Variants in TOB2 observed in about 807,000 individuals in gnomAD.
TOB2 encodes the protein transducer of ERBB2, 2.
A neutral mutation model predicts 17.3 loss-of-function variants in TOB2; 3 were observed. The observed-to-expected ratio is 0.17, with a 90% CI of 0.08 to 0.45. The LOEUF (loss-of-function observed/expected upper bound fraction) is 0.45. Ranked by LOEUF, TOB2 falls within the 20% of genes least tolerant of loss-of-function variation. TOB2 has a pLI of 0.99. For synonymous variants in TOB2, 163 were observed against 185.6 expected, an observed-to-expected ratio of 0.88 and a Z score of 0.99; for missense variants, 407 against 445.7, an observed-to-expected ratio of 0.91 and a Z score of 0.78.
chr22:41,438,676 G>C (rs1365164347), intron 1 of TOB2, among the ~76,000 whole-genome samples: 1 of 65,062 alleles, frequency 1.5e-5, no homozygotes, highest in Non-Finnish European at 3.3e-5. Flanking sequence ...TAAGACATAA[G>C]ACAAGAGCAT....
intron 1 of TOB2, among the ~76,000 whole-genome samples, chr22:41,445,398 C>T (rs1025508713): frequency 5.9e-5 from 9 of 152,124 alleles, no homozygotes; most frequent in African/African-American, 2.2e-4. Context: ...GGTAGAAGCC[C>T]AAGAAAGCAA....
intron 1 of TOB2, among the ~76,000 whole-genome samples, chr22:41,445,162 G>C (rs888315692): frequency 6.6e-6 from 1 of 152,234 alleles, no homozygotes; most frequent in Non-Finnish European, 1.5e-5. Context: ...ACCAGATCCG[G>C]GAGAGGGAAA....
chr22:41,442,092 C>T (rs1426486470), intron 1 of TOB2, among the ~76,000 whole-genome samples: 2 of 115,690 alleles, frequency 1.7e-5, no homozygotes, highest in Non-Finnish European at 3.9e-5. Context: ...GAAATTCTGC[C>T]TCAAAAAAAA....
At position 41,436,021 on chromosome 22, in the gene TOB2, T is replaced by C. The variant is rs879214801; in HGVS notation, c.*290A>G. ...AGCACAGGAAGCCACTCATTAAAGA[T>C]GTTATATAGAAAACTACATGTAAGA... On this transcript the variant is annotated 3_prime_UTR_variant, in exon 2 of 2. Coordinates refer to ENST00000327492, the MANE Select transcript of TOB2 (RefSeq NM_016272.4). The surrounding 1 kb of genome is among the most constrained non-coding windows in gnomAD (Gnocchi z 4.8). 14 of 280,736 alleles carry C rather than the reference T, an allele frequency of 5.0e-5. No individual in the cohort carries two copies. In the South Asian group the frequency reaches 1.0e-3, roughly 20 times the overall value. 17.4% of individuals were successfully genotyped at this position (280,736 alleles called of 1,614,324 possible). A position where few individuals can be genotyped will look rare whatever the true frequency, so the allele number is the denominator to read the frequency against.
chr22:41,436,882 G>C lies in TOB2; in HGVS notation c.464C>G (p.Ser155Trp), dbSNP rs1205643291. 1 of 1,614,216 alleles carries C rather than the reference G, an allele frequency of 6.2e-7. No individual in the cohort carries two copies. The highest frequency in any genetic ancestry group is 1.7e-5 in the Admixed American group (1 of 60,030). The change falls in exon 2 of 2, where the codon TCG becomes TGG. Residue 155 changes from serine to tryptophan, a missense_variant. Coordinates refer to ENST00000327492, the MANE Select transcript of TOB2 (RefSeq NM_016272.4). This position sits in a 1 kb window ranked among gnomAD's most constrained non-coding sequence, Gnocchi z 4.8. ...SQDSSLSNSPSPSFGQSPSPT... is the reference protein window; with the variant it reads ...SQDSSLSNSPWPSFGQSPSPT... ...GCTGGGTGACTGGCCAAAGGATGGC[G>C]ATGGGGAGTTGGACAGGGAGCTGTC...
At chr22:41,441,531 C>A (rs1361680660) in intron 1 of TOB2, among the ~76,000 whole-genome samples, 1 of 152,060 alleles carries the variant, frequency 6.6e-6, no homozygotes, top group Non-Finnish European at 1.5e-5. Context: ...GTAATCCCAG[C>A]ACTTCGGGAG....
At chr22:41,446,323 C>G (rs955324671) in intron 1 of TOB2, 56 bp downstream of exon 1, 1 of 152,544 alleles carries the variant, frequency 6.6e-6, no homozygotes, top group Non-Finnish European at 1.5e-5. Context: ...AGAGGTAGTC[C>G]GGCCGGCTGG....
At chr22:41,441,030 A>G (rs1343404265) in intron 1 of TOB2, among the ~76,000 whole-genome samples, 1 of 152,142 alleles carries the variant, frequency 6.6e-6, no homozygotes, top group Non-Finnish European at 1.5e-5. Flanking sequence ...AAGTAAGGAT[A>G]GTAGAGGCCG....
intron 1 of TOB2, among the ~76,000 whole-genome samples, chr22:41,441,036 GGCCGGGCACGGTGACTCAC>G (rs1400510592): frequency 1.3e-5 from 2 of 152,130 alleles, no homozygotes; most frequent in Admixed American, 6.5e-5. Flanking sequence ...GGATAGTAGA[GGCCGGGCACGGTGACTCAC>G]GCCTGTAATC....
chr22:41,441,748 C>T (rs2037623109), intron 1 of TOB2, among the ~76,000 whole-genome samples: 1 of 151,830 alleles, frequency 6.6e-6, no homozygotes, highest in Non-Finnish European at 1.5e-5. Context: ...CCCGTCTCTA[C>T]TAAAAATAAA....
At chr22:41,437,948 CAAAAAAA>C (rs35151486) in intron 1 of TOB2, among the ~76,000 whole-genome samples, 3 of 44,478 alleles carry the variant, frequency 6.7e-5, no homozygotes, top group Non-Finnish European at 1.1e-4. Flanking sequence ...GACTCCATCT[CAAAAAAA>C]AAAAAAAAAA....
In TOB2 at chr22:41,435,234, C is replaced by G. The variant is rs1282660984; in HGVS notation, c.*1077G>C. On this transcript the variant is annotated 3_prime_UTR_variant, in exon 2 of 2. Transcript: ENST00000327492. ...TTATTATTATTTTTTTGGTCAAAAACAAAACTGCAGATCCTTCCACAGTCT... is the reference window on the plus strand; with the variant it reads ...TTATTATTATTTTTTTGGTCAAAAAGAAAACTGCAGATCCTTCCACAGTCT... The G allele has an allele frequency of 3.3e-5, 5 of 152,202 alleles. No homozygotes were observed. The highest frequency in any genetic ancestry group is 9.7e-5 in the African/African-American group (4 of 41,428). The allele number at this position is 152,202 out of a possible 1,614,324, so 9.4% of individuals were successfully genotyped here. A position where few individuals can be genotyped will look rare whatever the true frequency, so the allele number is the denominator to read the frequency against.
At position 41,437,156 on chromosome 22, in the gene TOB2, C is replaced by T; in HGVS notation, c.190G>A (p.Val64Met). ...GCGGCCAGCTCCACCACGGGGTCCA[C>T]CATCTCCCCAATGTGAACACAGCGG... Reference protein sequence around the residue: ...GFRCVHIGEMVDPVVELAAKR... With the variant: ...GFRCVHIGEMMDPVVELAAKR... Residue 64 changes from valine (V) to methionine (M), a missense_variant, in exon 2 of 2, where the codon GTG becomes ATG. Physicochemically the swap from Val to Met is conservative, Grantham distance 21. Coordinates refer to ENST00000327492, the MANE Select transcript of TOB2 (RefSeq NM_016272.4). 3 of 1,614,184 alleles carry T rather than the reference C, an allele frequency of 1.9e-6. No homozygotes were observed. Among genetic ancestry groups the T allele is most frequent in the Non-Finnish European group, 2.5e-6 (3 of 1,180,042 alleles).
In TOB2 at chr22:41,436,674, G is replaced by T; in HGVS notation, c.672C>A (p.Thr224=). The T allele has an allele frequency of 9.3e-6, 15 of 1,614,028 alleles. No individual in the cohort carries two copies. Among genetic ancestry groups the T allele is most frequent in the Middle Eastern group, 1.6e-4 (1 of 6,062 alleles). ...PQQPRMARSP[T]NSLLKHKSLS... ...GGCTCTTGTGCTTCAGCAGGCTGTT[G>T]GTGGGTGAGCGGGCCATGCGAGGCT... The change falls in exon 2 of 2, where the codon ACC becomes ACA. Residue 224 remains threonine (T), a synonymous_variant. Coordinates refer to ENST00000327492, the MANE Select transcript of TOB2 (RefSeq NM_016272.4). The surrounding 1 kb of genome is among the most constrained non-coding windows in gnomAD (Gnocchi z 4.8).
rs41276313 is a variant in TOB2 at position 41,434,555 on chromosome 22, C to G, written c.*1756G>C. 5 of 153,194 alleles carry G rather than the reference C, an allele frequency of 3.3e-5. No individual in the cohort carries two copies. The highest frequency in any genetic ancestry group is 1.2e-4 in the African/African-American group (5 of 41,562). The allele number at this position is 153,194 out of a possible 1,614,324, so 9.5% of individuals were successfully genotyped here. A position where few individuals can be genotyped will look rare whatever the true frequency, so the allele number is the denominator to read the frequency against. On this transcript the variant is annotated 3_prime_UTR_variant, in exon 2 of 2. Transcript: ENST00000327492. ...ACATTGCCTGCCGGGGGAGGTAGAG[C>G]TGGTGCCTACTGCAGGGAGAGGAGG...
rs1166276139 is a variant in TOB2, at chr22:41,436,672, T to C, written c.674A>G (p.Asn225Ser). ...GAGGCTCTTGTGCTTCAGCAGGCTGTTGGTGGGTGAGCGGGCCATGCGAGG... is the reference window on the plus strand; with the variant it reads ...GAGGCTCTTGTGCTTCAGCAGGCTGCTGGTGGGTGAGCGGGCCATGCGAGG... Reference protein sequence around the residue: ...QQPRMARSPTNSLLKHKSLSL... With the variant: ...QQPRMARSPTSSLLKHKSLSL... The change falls in exon 2 of 2, where the codon AAC (asparagine) becomes AGC (serine). Residue 225 changes from asparagine to serine, a missense_variant. Transcript: ENST00000327492. The surrounding 1 kb of genome is among the most constrained non-coding windows in gnomAD (Gnocchi z 4.8). 4 of 1,613,994 alleles carry C rather than the reference T, an allele frequency of 2.5e-6. No individual in the cohort carries two copies. The highest frequency in any genetic ancestry group is 2.2e-5 in the South Asian group (2 of 91,066).
rs1428576459 is a variant in TOB2 at position 41,437,021 on chromosome 22, C to T, written c.325G>A (p.Val109Met). ...VSYQIGEKGA[V>M]KVLYLDDSEG... Reference sequence around the variant, plus strand: ...CTGTCATCCAGGTACAGCACTTTCACAGCTCCCTTCTCACCAATCTGGTAG... The same window carrying T: ...CTGTCATCCAGGTACAGCACTTTCATAGCTCCCTTCTCACCAATCTGGTAG... Residue 109 changes from valine (V) to methionine (M), a missense_variant, in exon 2 of 2, where the codon GTG becomes ATG. Val to Met is a conservative substitution (Grantham distance 21, BLOSUM62 1). Transcript: ENST00000327492. 1 of 1,614,180 alleles carries T rather than the reference C, an allele frequency of 6.2e-7. No individual in the cohort carries two copies. The highest frequency in any genetic ancestry group is 2.2e-5 in the East Asian group (1 of 44,868).
chr22:41,442,119 A>G (rs573378388), intron 1 of TOB2, among the ~76,000 whole-genome samples: 12 of 151,946 alleles, frequency 7.9e-5, no homozygotes, highest in Admixed American at 3.9e-4. Context: ...AAGAAAAAAA[A>G]GTTGTGAGGA....
At chr22:41,437,912 T>C (rs2146031170) in intron 1 of TOB2, among the ~76,000 whole-genome samples, 1 of 120,998 alleles carries the variant, frequency 8.3e-6, no homozygotes, top group East Asian at 2.8e-4. Context: ...ATCATGCCAC[T>C]GTACTCCAGC....
Sources: gnomAD v4.1 joint callset for allele counts (sites outside exome capture counted in the v4.1 genomes callset) on GRCh38, gnomAD v4.1.1 for gene constraint, Gnocchi (gnomAD v3.1) non-coding constraint, MANE v1.5 for transcripts, NCBI Gene and HGNC (gene_info 2026-07-23, HGNC 2026-07-21) for gene names.